Variants in LHFPL2 observed in about 807,000 individuals in gnomAD.
The protein encoded by LHFPL2 is LHFPL tetraspan subfamily member 2 protein.
Under a neutral mutation model 17.5 loss-of-function variants are expected in LHFPL2, and 7 were observed. That is an observed-to-expected ratio of 0.40 (90% CI 0.23 to 0.75). LHFPL2 has a LOEUF of 0.75. LHFPL2 is among the 30% of genes least tolerant of loss of function. The pLI, the probability that LHFPL2 is intolerant of heterozygous loss-of-function variation, is 0.37. For synonymous variants in LHFPL2, 134 were observed against 116.2 expected (o/e 1.15, Z -0.99); for missense variants, 241 against 294.8 (o/e 0.82, Z 1.34).
chr5:78,496,882 T>TC (rs967756921), intron 4 of LHFPL2, among the ~76,000 whole-genome samples: 14 of 152,178 alleles, frequency 9.2e-5, no homozygotes, highest in Non-Finnish European at 1.8e-4. Context: ...TCCTTGGTCC[T>TC]CTTCCCTATC....
At chr5:78,575,002 C>T (rs990917355) in intron 2 of LHFPL2, among the ~76,000 whole-genome samples, 4 of 152,084 alleles carry the variant, frequency 2.6e-5, no homozygotes, top group East Asian at 3.8e-4. Context: ...AATCGAGAGA[C>T]GTAAAGTGAC....
Position 78,488,230 on chromosome 5 carries a change from G to C in LHFPL2, c.*667C>G, listed in dbSNP as rs1012883840. On this transcript the variant is annotated 3_prime_UTR_variant, in exon 5 of 5. Transcript: ENST00000380345. ...ATTTTTGTTCTCATATGATTGTATA[G>C]GTCCTTATTGTTTCTTTACTCAAAT... 2.0e-4 allele frequency: 30 copies of C among 153,094 alleles called. No individual in the cohort carries two copies. Among genetic ancestry groups the C allele is most frequent in the African/African-American group, 6.8e-4 (28 of 41,432 alleles). The allele number at this position is 153,094 out of a possible 1,614,324, so 9.5% of individuals were successfully genotyped here. A position where few individuals can be genotyped will look rare whatever the true frequency, so the allele number is the denominator to read the frequency against.
At chr5:78,502,862 C>T (rs1667325528) in intron 4 of LHFPL2, among the ~76,000 whole-genome samples, 2 of 152,202 alleles carry the variant, frequency 1.3e-5, no homozygotes, top group Non-Finnish European at 2.9e-5. Flanking sequence ...TCTGAACACA[C>T]AGCCACTCTG....
intron 2 of LHFPL2, among the ~76,000 whole-genome samples, chr5:78,631,688 C>A (rs1278128075): frequency 6.6e-6 from 1 of 152,200 alleles, no homozygotes; most frequent in Admixed American, 6.5e-5. Flanking sequence ...GTAATCCCAG[C>A]ACTTTGGGAG....
intron 2 of LHFPL2, among the ~76,000 whole-genome samples, chr5:78,604,496 AAAG>A (rs1336566482): frequency 5.3e-5 from 8 of 152,208 alleles, no homozygotes; most frequent in African/African-American, 1.9e-4. Context: ...AAAAACAAAA[AAAG>A]AAGAACCAAA....
chr5:78,537,879 C>T (rs1755997341), intron 3 of LHFPL2, among the ~76,000 whole-genome samples: 1 of 152,088 alleles, frequency 6.6e-6, no homozygotes, highest in Non-Finnish European at 1.5e-5. Context: ...TCTCATCTAG[C>T]TCAAATTCTG....
At chr5:78,558,392 C>G (rs1031060061) in intron 3 of LHFPL2, among the ~76,000 whole-genome samples, 1 of 152,200 alleles carries the variant, frequency 6.6e-6, no homozygotes, top group African/African-American at 2.4e-5. Flanking sequence ...CAGGAAGGAT[C>G]AGGAGGATTC....
In LHFPL2 at chr5:78,510,114, GC is replaced by G. The variant is rs773900579; in HGVS notation, c.99del (p.Trp33CysfsTer2). ...CCGCGGCTCCTCGCTTTCCCGATCA[GC>G]CAGTCTGCACTCATGAAGGCAATGA... ...AELIAFMSAD[W>X]LIGKARSRGG... On this transcript the variant is annotated frameshift_variant, in exon 4 of 5. Coordinates refer to ENST00000380345, the MANE Select transcript of LHFPL2 (RefSeq NM_005779.3). LOFTEE classifies it high-confidence loss of function. The G allele has an allele frequency of 6.2e-7, 1 of 1,613,216 alleles. No individual in the cohort carries two copies. The highest frequency in any genetic ancestry group is 1.3e-5 in the African/African-American group (1 of 74,916).
At chr5:78,568,176 G>GTTGTTAAACCAGTAAATA (rs1756907677) in intron 2 of LHFPL2, among the ~76,000 whole-genome samples, 2 of 152,222 alleles carry the variant, frequency 1.3e-5, no homozygotes, top group Non-Finnish European at 1.5e-5. Context: ...AAACACATGG[G>GTTGTTAAACCAGTAAATA]TTCATGTAAA....
At chr5:78,583,249 G>A (rs990736630) in intron 2 of LHFPL2, among the ~76,000 whole-genome samples, 1 of 151,714 alleles carries the variant, frequency 6.6e-6, no homozygotes, top group African/African-American at 2.4e-5. Flanking sequence ...TTGCCAGTCT[G>A]TGTCTTTTAA....
At chr5:78,581,456 G>A (rs1268309494) in intron 2 of LHFPL2, among the ~76,000 whole-genome samples, 1 of 152,116 alleles carries the variant, frequency 6.6e-6, no homozygotes, top group Non-Finnish European at 1.5e-5. Flanking sequence ...ATTATTTTGA[G>A]ATACGTCCCA....
At chr5:78,562,036 A>G (rs534610651) in intron 3 of LHFPL2, among the ~76,000 whole-genome samples, 11 of 152,302 alleles carry the variant, frequency 7.2e-5, no homozygotes, top group African/African-American at 2.6e-4. Context: ...AGATTCCCCC[A>G]AAGAGGCACA....
chr5:78,499,448 G>A (rs1561306772), intron 4 of LHFPL2, among the ~76,000 whole-genome samples: 2 of 152,212 alleles, frequency 1.3e-5, no homozygotes, highest in African/African-American at 2.4e-5. Context: ...GCTAAGTAGG[G>A]TTACACAGTT....
chr5:78,593,671 C>T (rs1469813661), intron 2 of LHFPL2, among the ~76,000 whole-genome samples: 1 of 152,134 alleles, frequency 6.6e-6, no homozygotes, highest in African/African-American at 2.4e-5. Context: ...GTCAAGGATA[C>T]ACTCTTTGGG....
intron 2 of LHFPL2, among the ~76,000 whole-genome samples, chr5:78,579,432 G>A (rs1409738942): frequency 1.5e-4 from 23 of 152,026 alleles, no homozygotes; most frequent in Admixed American, 1.3e-3. Flanking sequence ...ATGCTGGTGC[G>A]CTGCACCCAC....
chr5:78,534,812 G>A (rs907045042), intron 3 of LHFPL2, among the ~76,000 whole-genome samples: 10 of 152,160 alleles, frequency 6.6e-5, no homozygotes, highest in African/African-American at 9.7e-5. Context: ...CCACCTTGCC[G>A]TCCTGGCAAA....
At chr5:78,591,087 G>C (rs913812454) in intron 2 of LHFPL2, among the ~76,000 whole-genome samples, 4 of 152,212 alleles carry the variant, frequency 2.6e-5, no homozygotes, top group African/African-American at 9.7e-5. Flanking sequence ...TGTGGTGGAA[G>C]AGGGAAATCT....
At chr5:78,514,099 G>A (rs11738607) in intron 3 of LHFPL2, among the ~76,000 whole-genome samples, 41,150 of 152,062 alleles carry the variant, frequency 0.27, 5,821 homozygotes, top group East Asian at 0.47. Flanking sequence ...ACAGGGATAC[G>A]AGGCACAGCC....
At position 78,489,074 on chromosome 5, in the gene LHFPL2, ATAATGTCCACAG is replaced by A; in HGVS notation, c.498_509del (p.Cys167_Tyr170del). On this transcript the variant is annotated inframe_deletion, in exon 5 of 5. Coordinates refer to ENST00000380345, the MANE Select transcript of LHFPL2 (RefSeq NM_005779.3). ...AGTCTCCAGGTTTGTAGGCAGATGC[ATAATGTCCACAG>A]TAGTCTATGGCCTTCTGGCAACCCC... 6.2e-7 allele frequency: 1 copy of A among 1,614,232 alleles called. No individual in the cohort carries two copies.
Sources: gnomAD v4.1 joint callset for allele counts (sites outside exome capture counted in the v4.1 genomes callset) on GRCh38, gnomAD v4.1.1 for gene constraint, MANE v1.5 for transcripts, NCBI Gene and HGNC (gene_info 2026-07-23, HGNC 2026-07-21) for gene names.